Variants in ADCY2 observed in about 807,000 individuals in gnomAD.
The protein encoded by ADCY2 is adenylate cyclase 2.
A neutral mutation model predicts 125.2 loss-of-function variants in ADCY2; 31 were observed. The observed-to-expected ratio is 0.25, with a 90% CI of 0.19 to 0.33. The LOEUF (loss-of-function observed/expected upper bound fraction) is 0.33. ADCY2 is among the 10% of genes least tolerant of loss of function. The pLI, the probability that ADCY2 is intolerant of heterozygous loss-of-function variation, is 1.00. For missense variants in ADCY2, 904 were observed against 1,418.2 expected (o/e 0.64, Z 5.82); for synonymous variants, 512 against 548.4 (o/e 0.93, Z 0.93).
chr5:7,666,428 C>T (rs1307632518), intron 4 of ADCY2, among the ~76,000 whole-genome samples: 3 of 151,828 alleles, frequency 2.0e-5, no homozygotes, highest in African/African-American at 7.3e-5. Context: ...GCCACCACGC[C>T]CGGCTAATTT....
At chr5:7,474,266 A>G (rs1025488489) in intron 2 of ADCY2, among the ~76,000 whole-genome samples, 6 of 152,234 alleles carry the variant, frequency 3.9e-5, no homozygotes, top group African/African-American at 9.6e-5. Flanking sequence ...GTAGGAAGCT[A>G]GGTACAGAGC....
chr5:7,536,471 A>G (rs980131678), intron 3 of ADCY2, among the ~76,000 whole-genome samples: 2 of 152,202 alleles, frequency 1.3e-5, no homozygotes, highest in Admixed American at 6.5e-5. Flanking sequence ...GAGTCGGTTC[A>G]GGAACAGTGG....
chr5:7,409,040 T>A (rs917429075), intron 1 of ADCY2, among the ~76,000 whole-genome samples: 12 of 152,200 alleles, frequency 7.9e-5, no homozygotes, highest in African/African-American at 2.9e-4. Flanking sequence ...CATGGAATAC[T>A]ATGCAGCCAT....
At chr5:7,566,710 G>A (rs1042695431) in intron 3 of ADCY2, among the ~76,000 whole-genome samples, 3 of 152,122 alleles carry the variant, frequency 2.0e-5, no homozygotes, top group African/African-American at 7.2e-5. Context: ...TACTAAATGT[G>A]TCAGGTTATG....
In ADCY2 at chr5:7,754,663, T is replaced by C. The variant is rs114817902; in HGVS notation, c.1957-2786T>C. 6.3e-3 allele frequency among the ~76,000 whole-genome samples: 966 copies of C among 152,172 alleles called. 11 individuals are homozygous for C. The highest frequency in any genetic ancestry group is 0.022 in the African/African-American group (909 of 41,504). Reference sequence around the variant, plus strand: ...TTCATTTGAAGCTCGGCTCTTCATATTGTATTATAGGTTGGTGCAAAAGTA... The same window carrying C: ...TTCATTTGAAGCTCGGCTCTTCATACTGTATTATAGGTTGGTGCAAAAGTA... On this transcript the variant is annotated intron_variant, in intron 15 of 24. Coordinates refer to ENST00000338316, the MANE Select transcript of ADCY2 (RefSeq NM_020546.3).
chr5:7,702,054 C>T (rs12659288), intron 7 of ADCY2, among the ~76,000 whole-genome samples: 121,471 of 151,810 alleles, frequency 0.8, 48,998 homozygotes, highest in South Asian at 0.86. Context: ...TTCCACATTC[C>T]TCCTCTGTTT....
At chr5:7,629,265 C>T (rs1305622644) in intron 4 of ADCY2, among the ~76,000 whole-genome samples, 1 of 152,212 alleles carries the variant, frequency 6.6e-6, no homozygotes, top group Non-Finnish European at 1.5e-5. Context: ...GTCCTTCCTC[C>T]TTGGAGAGGA....
chr5:7,713,174 A>C (rs1476888843), intron 11 of ADCY2, among the ~76,000 whole-genome samples: 1 of 150,628 alleles, frequency 6.6e-6, no homozygotes, highest in Non-Finnish European at 1.5e-5. Context: ...ATGTGTGGTA[A>C]AAAAAAAAGT....
At chr5:7,618,616 A>G (rs971135453) in intron 3 of ADCY2, among the ~76,000 whole-genome samples, 7 of 152,218 alleles carry the variant, frequency 4.6e-5, no homozygotes, top group African/African-American at 1.7e-4. Context: ...GTGGTTGTGG[A>G]CCACATGTGT....
intron 16 of ADCY2, 69 bp from the exon 17 acceptor site, chr5:7,766,618 T>C: frequency 1.3e-6 from 2 of 1,537,796 alleles, no homozygotes; most frequent in Non-Finnish European, 1.8e-6. Flanking sequence ...ATTCATAAAG[T>C]TAGCACCCAC....
intron 3 of ADCY2, among the ~76,000 whole-genome samples, chr5:7,606,580 A>C (rs1280949636): frequency 6.6e-6 from 1 of 152,210 alleles, no homozygotes; most frequent in Non-Finnish European, 1.5e-5. Context: ...CTACCCGGGC[A>C]CATTCTTGCA....
chr5:7,464,118 T>C (rs1742021306), intron 2 of ADCY2, among the ~76,000 whole-genome samples: 1 of 152,224 alleles, frequency 6.6e-6, no homozygotes, highest in African/African-American at 2.4e-5. Flanking sequence ...ACTTCCCAAA[T>C]ATATCCTGTA....
intron 3 of ADCY2, among the ~76,000 whole-genome samples, chr5:7,538,615 A>T (rs1448787924): frequency 6.6e-6 from 1 of 152,102 alleles, no homozygotes; most frequent in Non-Finnish European, 1.5e-5. Flanking sequence ...TTAACATTTT[A>T]AATGTTAATA....
Position 7,746,639 on chromosome 5 carries a change from A to G in ADCY2, c.1956+2887A>G, listed in dbSNP as rs116247915. 6.9e-3 allele frequency among the ~76,000 whole-genome samples: 1,044 copies of G among 152,302 alleles called. 5 individuals are homozygous for G. Among genetic ancestry groups the G allele is most frequent in the Non-Finnish European group, 0.011 (731 of 68,036 alleles). On this transcript the variant is annotated intron_variant, in intron 15 of 24. Coordinates refer to ENST00000338316, the MANE Select transcript of ADCY2 (RefSeq NM_020546.3). ...TGTGTAAGGTTTTATAATGATTTGC[A>G]TTTATTATGAATTAAATACTGAGTT... is the stretch of plus-strand genomic sequence containing the variant.
intron 7 of ADCY2, among the ~76,000 whole-genome samples, chr5:7,704,646 G>A (rs546663017): frequency 6.6e-6 from 1 of 152,248 alleles, no homozygotes; most frequent in East Asian, 1.9e-4. Context: ...TTGGGAGGCC[G>A]AGGCGGGTGG....
chr5:7,728,454 G>T lies in ADCY2; in HGVS notation c.1871+1193G>T, dbSNP rs77584832. 1.9e-3 allele frequency among the ~76,000 whole-genome samples: 292 copies of T among 152,282 alleles called. 4 individuals carry two copies. Among genetic ancestry groups the T allele is most frequent in the African/African-American group, 6.6e-3 (274 of 41,550 alleles). On this transcript the variant is annotated intron_variant, in intron 14 of 24. Transcript: ENST00000338316. ...GACTTCTCCTCTCCCCATGATTGGA[G>T]GTGTAATACATAGACCAAAGGAGCC... is the stretch of plus-strand genomic sequence containing the variant.
chr5:7,800,162 G>A (rs1744546672), intron 20 of ADCY2: 1 of 152,178 alleles, frequency 6.6e-6, no homozygotes, highest in Admixed American at 6.5e-5. Context: ...TTCTTTATTT[G>A]TAGATGGAAA....
intron 17 of ADCY2, among the ~76,000 whole-genome samples, chr5:7,769,704 T>C (rs930251593): frequency 2.6e-5 from 4 of 152,198 alleles, no homozygotes; most frequent in African/African-American, 9.7e-5. Flanking sequence ...ATGCATTACA[T>C]CATTTCATCC....
At chr5:7,551,552 T>C (rs1355556946) in intron 3 of ADCY2, among the ~76,000 whole-genome samples, 1 of 152,204 alleles carries the variant, frequency 6.6e-6, no homozygotes, top group South Asian at 2.1e-4. Context: ...TAAGAATACA[T>C]TAATAATTTT....
Sources: allele counts gnomAD v4.1 joint callset (sites outside exome capture counted in the v4.1 genomes callset), GRCh38; gene constraint gnomAD v4.1.1; transcripts MANE v1.5; gene names NCBI Gene and HGNC (gene_info 2026-07-23, HGNC 2026-07-21).